Variants in PCDH17 observed in about 807,000 individuals in gnomAD.
PCDH17 encodes the protein protocadherin-17.
Under a neutral mutation model 67.7 loss-of-function variants are expected in PCDH17, and 21 were observed. That is an observed-to-expected ratio of 0.31 (90% CI 0.22 to 0.45). The LOEUF is 0.45. Ranked by LOEUF, PCDH17 falls within the 20% of genes least tolerant of loss-of-function variation. PCDH17 has a pLI of 1.00. For missense variants in PCDH17, 1,471 were observed against 1,564.8 expected (o/e 0.94, Z 1.01); for synonymous variants, 701 against 656.7 (o/e 1.07, Z -1.03).
chr13:57,707,403 C>A (rs753738701), intron 3 of PCDH17, among the ~76,000 whole-genome samples: 2 of 145,546 alleles, frequency 1.4e-5, no homozygotes, highest in Non-Finnish European at 3.0e-5. Context: ...GTAGATTTTC[C>A]TTTGCTTCTT....
At chr13:57,684,166 C>T (rs983193057) in intron 3 of PCDH17, among the ~76,000 whole-genome samples, 3 of 151,814 alleles carry the variant, frequency 2.0e-5, no homozygotes, top group Non-Finnish European at 4.4e-5. Context: ...TCTGCTCACA[C>T]TTTCCTTCTG....
intron 1 of PCDH17, among the ~76,000 whole-genome samples, chr13:57,660,012 C>T (rs960392576): frequency 2.6e-5 from 4 of 152,016 alleles, no homozygotes; most frequent in African/African-American, 9.7e-5. Context: ...TCGGGTGGAT[C>T]CTTTGAGCTC....
rs1475592319 is a variant in PCDH17 at position 57,634,508 on chromosome 13, C to A, written c.1962C>A (p.Asp654Glu). ...GCACGCTGCACCCTTTCTGGGAGGACGTGACGCCCGTGGTGGAGCTGGTGG... is the reference window on the plus strand; with the variant it reads ...GCACGCTGCACCCTTTCTGGGAGGAAGTGACGCCCGTGGTGGAGCTGGTGG... ...EIRTLHPFWE[D>E]VTPVVELVVK... is the part of the protein sequence containing the mutation. Residue 654 changes from aspartate (D) to glutamate (E), a missense_variant, in exon 1 of 4, where the codon GAC (aspartate) becomes GAA (glutamate). Asp to Glu is a conservative substitution (Grantham distance 45). Around this residue, in one of 3 missense-constraint regions of PCDH17, gnomAD observed 1,163 missense variants for 1,230.0 expected, o/e 0.95. Transcript: ENST00000377918. The surrounding 1 kb of genome is among the most constrained non-coding windows in gnomAD (Gnocchi z 7.8). The A allele has an allele frequency of 6.2e-7, 1 of 1,612,914 alleles. No homozygotes were observed. The highest frequency in any genetic ancestry group is 1.7e-5 in the Admixed American group (1 of 60,010).
In PCDH17 at chr13:57,714,924, A is replaced by T. The variant is rs148623388; in HGVS notation, c.2798-9688A>T. Among the ~76,000 whole-genome samples the T allele has an allele frequency of 2.1e-3, 319 of 151,878 alleles. 4 individuals are homozygous for T. Among genetic ancestry groups the T allele is most frequent in the African/African-American group, 7.4e-3 (307 of 41,518 alleles). On this transcript the variant is annotated intron_variant, in intron 3 of 3. Coordinates refer to ENST00000377918, the MANE Select transcript of PCDH17 (RefSeq NM_001040429.3). ...TAGGTGCTGAGGTGTAGTTTTCAGG[A>T]TACTCACTGTTTTCCATAATTTAAA...
At chr13:57,687,384 T>C (rs1175044208) in intron 3 of PCDH17, among the ~76,000 whole-genome samples, 1 of 152,016 alleles carries the variant, frequency 6.6e-6, no homozygotes, top group Non-Finnish European at 1.5e-5. Context: ...TTTCTTTCAA[T>C]GGAGGTTCTT....
chr13:57,704,432 C>A (rs183359875), intron 3 of PCDH17, among the ~76,000 whole-genome samples: 403 of 151,934 alleles, frequency 2.7e-3, no homozygotes, highest in Non-Finnish European at 4.7e-3. Context: ...ATAATATAAA[C>A]CATTTTTTAA....
rs1200251395 is a variant in PCDH17 at position 57,725,257 on chromosome 13, A to G, written c.3443A>G (p.Asp1148Gly). The G allele has an allele frequency of 3.1e-6, 5 of 1,612,572 alleles. No individual in the cohort carries two copies. Among genetic ancestry groups the G allele is most frequent in the African/African-American group, 1.3e-5 (1 of 74,748 alleles). The change falls in exon 4 of 4, where the codon GAC becomes GGC. Residue 1148 changes from aspartate to glycine, a missense_variant. Physicochemically the swap from Asp to Gly is moderately conservative, Grantham distance 94 (BLOSUM62 -1). Around this residue, in one of 3 missense-constraint regions of PCDH17, gnomAD observed 297 missense variants for 298.6 expected, o/e 0.99. Transcript: ENST00000377918. ...AGAGAAATTGATAAGCTTTTGCAAG[A>G]CTGCCGGGGAAACGACCCTGTGGCT... ...VVREIDKLLQ[D>G]CRGNDPVAVR...
intron 1 of PCDH17, among the ~76,000 whole-genome samples, chr13:57,640,764 A>C (rs1462011906): frequency 6.6e-6 from 1 of 152,058 alleles, no homozygotes; most frequent in Non-Finnish European, 1.5e-5. Flanking sequence ...CCTGATGATG[A>C]AACAACAACA....
intron 1 of PCDH17, among the ~76,000 whole-genome samples, chr13:57,659,334 T>C (rs1248447147): frequency 6.6e-6 from 1 of 152,142 alleles, no homozygotes; most frequent in Admixed American, 6.6e-5. Context: ...TCTTAGAAAT[T>C]CATTAGAAAT....
At chr13:57,654,867 TA>T (rs1566222996) in intron 1 of PCDH17, among the ~76,000 whole-genome samples, 1 of 152,012 alleles carries the variant, frequency 6.6e-6, no homozygotes, top group Non-Finnish European at 1.5e-5. Flanking sequence ...GATTAATAAT[TA>T]TTTTTTTCCT....
In PCDH17 at chr13:57,727,390, A is replaced by T. The variant is rs187558053; in HGVS notation, c.*2096A>T. The T allele has an allele frequency of 1.3e-5, 2 of 152,712 alleles. No homozygotes were observed. Among genetic ancestry groups the T allele is most frequent in the African/African-American group, 4.8e-5 (2 of 41,578 alleles). The allele number at this position is 152,712 out of a possible 1,614,324, so 9.5% of individuals were successfully genotyped here. A position where few individuals can be genotyped will look rare whatever the true frequency, so the allele number is the denominator to read the frequency against. On this transcript the variant is annotated 3_prime_UTR_variant, in exon 4 of 4. Transcript: ENST00000377918. ...ATTCTTATATTTAAAACAAAAACAA[A>T]AGCAAAAACAAACATTGAATTAAAT...
intron 3 of PCDH17, among the ~76,000 whole-genome samples, chr13:57,724,346 T>C (rs1378302325): frequency 6.6e-6 from 1 of 152,212 alleles, no homozygotes; most frequent in African/African-American, 2.4e-5. Context: ...TCTATTCTAC[T>C]GAGAATGATT....
chr13:57,674,276 G>T (rs747115943), intron 3 of PCDH17, among the ~76,000 whole-genome samples: 20 of 151,650 alleles, frequency 1.3e-4, no homozygotes, highest in Non-Finnish European at 2.4e-4. Flanking sequence ...ACATAAAAAA[G>T]TCCTTTTTTT....
At position 57,634,050 on chromosome 13, in the gene PCDH17, G is replaced by A. The variant is rs1171545106; in HGVS notation, c.1504G>A (p.Gly502Ser). 6.2e-7 allele frequency: 1 copy of A among 1,613,366 alleles called. No individual in the cohort carries two copies. The highest frequency in any genetic ancestry group is 8.5e-7 in the Non-Finnish European group (1 of 1,180,016). ...TGTGCTCGCCCAGGATCCCGACCTG[G>A]GCCAGAACGGCACCGTATCCTACTC... ...GSVLAQDPDL[G>S]QNGTVSYSIL... The change falls in exon 1 of 4, where the codon GGC becomes AGC. Residue 502 changes from glycine (G) to serine (S), a missense_variant. Physicochemically the swap from Gly to Ser is moderately conservative, Grantham distance 56 (BLOSUM62 0). This residue lies in a region of PCDH17 where 1,163 missense variants were observed against 1,230.0 expected (regional missense o/e 0.95). Coordinates refer to ENST00000377918, the MANE Select transcript of PCDH17 (RefSeq NM_001040429.3). This position sits in a 1 kb window ranked among gnomAD's most constrained non-coding sequence, Gnocchi z 7.8.
chr13:57,703,505 A>T (rs1955688325), intron 3 of PCDH17, among the ~76,000 whole-genome samples: 1 of 152,104 alleles, frequency 6.6e-6, no homozygotes, highest in African/African-American at 2.4e-5. Flanking sequence ...AATCATGTCT[A>T]TGTCCCAGAA....
chr13:57,675,529 G>A (rs1264212852), intron 3 of PCDH17, among the ~76,000 whole-genome samples: 1 of 151,922 alleles, frequency 6.6e-6, no homozygotes, highest in African/African-American at 2.4e-5. Context: ...TGAAAACCCA[G>A]CCCAGATTTA....
intron 1 of PCDH17, among the ~76,000 whole-genome samples, chr13:57,645,824 C>T (rs921880324): frequency 6.6e-6 from 1 of 151,284 alleles, no homozygotes; most frequent in Non-Finnish European, 1.5e-5. Flanking sequence ...TAGAGTGATG[C>T]ACTTCTGATG....
intron 1 of PCDH17, among the ~76,000 whole-genome samples, chr13:57,648,518 G>A (rs187040073): frequency 5.2e-4 from 79 of 152,000 alleles, no homozygotes; most frequent in Non-Finnish European, 2.4e-4. Context: ...TTTAAAACCC[G>A]ATTATTTGTT....
intron 3 of PCDH17, among the ~76,000 whole-genome samples, chr13:57,717,713 T>C (rs185620627): frequency 8.0e-4 from 122 of 152,152 alleles, no homozygotes; most frequent in Middle Eastern, 3.4e-3. Flanking sequence ...GACTATTTGA[T>C]AGTATTATAA....
Sources: gnomAD v4.1 joint callset for allele counts (sites outside exome capture counted in the v4.1 genomes callset) on GRCh38, gnomAD v4.1.1 for gene constraint, gnomAD v4.1.1 regional missense constraint, Gnocchi (gnomAD v3.1) non-coding constraint, MANE v1.5 for transcripts, NCBI Gene and HGNC (gene_info 2026-07-23, HGNC 2026-07-21) for gene names.